Variants in GORAB observed in about 807,000 individuals in gnomAD.
GORAB encodes golgin, RAB6 interacting.
A neutral mutation model predicts 29.9 loss-of-function variants in GORAB; 17 were observed. The ratio of observed to expected loss-of-function variants is 0.57; its 90% CI spans 0.39 to 0.85. The LOEUF (loss-of-function observed/expected upper bound fraction) is 0.85, where lower values mean the gene tolerates loss of function less well. Among genes scored for constraint, GORAB ranks in the 40% least tolerant of loss-of-function variants. The pLI is 0.00. For synonymous variants in GORAB, 183 were observed against 157.2 expected, an observed-to-expected ratio of 1.16 and a Z score of -1.23; for missense variants, 442 against 437.8, an observed-to-expected ratio of 1.01 and a Z score of -0.09.
chr1:170,553,528 A>T lies in GORAB; in HGVS notation c.*1066A>T, dbSNP rs1469928190. The T allele has an allele frequency of 1.4e-5, 6 of 427,102 alleles. No individual in the cohort carries two copies. The highest frequency in any genetic ancestry group is 1.3e-4 in the African/African-American group (6 of 47,720). The allele number at this position is 427,102 out of a possible 1,614,324, so 26.5% of individuals were successfully genotyped here. On this transcript the variant is annotated 3_prime_UTR_variant, in exon 5 of 5. Transcript: ENST00000367763. Reference sequence around the variant, plus strand: ...TACCTTTGAGGACTTTTTTTTTTTAAAAAAAGAATTATTATCAGAGAACAT... The same window carrying T: ...TACCTTTGAGGACTTTTTTTTTTTATAAAAAGAATTATTATCAGAGAACAT...
At chr1:170,550,073 A>G (rs553165271) in intron 4 of GORAB, among the ~76,000 whole-genome samples, 1 of 152,326 alleles carries the variant, frequency 6.6e-6, no homozygotes, top group South Asian at 2.1e-4. Context: ...GCTCAGAGTC[A>G]CTGTGCCGGA....
intron 4 of GORAB, among the ~76,000 whole-genome samples, chr1:170,551,265 A>G (rs1212963038): frequency 2.0e-5 from 3 of 152,202 alleles, no homozygotes; most frequent in South Asian, 2.1e-4. Flanking sequence ...AGTGCAGGAC[A>G]GCTTCTCACA....
intron 4 of GORAB, 166 bp downstream of exon 4, chr1:170,545,011 GA>G: frequency 7.4e-7 from 1 of 1,359,116 alleles, no homozygotes; most frequent in Non-Finnish European, 9.5e-7. Context: ...CCTCTTCAGT[GA>G]AGTCTTCCTT....
At chr1:170,551,918 TCCCAA>T in intron 4 of GORAB, 92 bp from the exon 5 acceptor site, 1 of 1,025,106 alleles carries the variant, frequency 9.8e-7, no homozygotes, top group Non-Finnish European at 1.5e-6. Flanking sequence ...ATATATTTTT[TCCCAA>T]TTTTGGAGTT....
chr1:170,544,923 T>C, intron 4 of GORAB, 78 bp downstream of exon 4: 1 of 1,561,876 alleles, frequency 6.4e-7, no homozygotes, highest in Non-Finnish European at 8.7e-7. Flanking sequence ...GGGGCTTTTA[T>C]GTATATCATC....
At chr1:170,540,886 A>G (rs1649373002) in intron 2 of GORAB, among the ~76,000 whole-genome samples, 1 of 152,204 alleles carries the variant, frequency 6.6e-6, no homozygotes, top group African/African-American at 2.4e-5. Context: ...AGGATAAGCC[A>G]GAGAACAGTA....
intron 2 of GORAB, among the ~76,000 whole-genome samples, chr1:170,540,605 G>A (rs890390423): frequency 3.9e-5 from 6 of 152,184 alleles, no homozygotes; most frequent in Non-Finnish European, 8.8e-5. Context: ...TATTGAACAA[G>A]TGCATACATT....
At chr1:170,540,676 A>G (rs571883647) in intron 2 of GORAB, among the ~76,000 whole-genome samples, 2 of 152,354 alleles carry the variant, frequency 1.3e-5, no homozygotes, top group East Asian at 3.9e-4. Flanking sequence ...GTAAGTTTAC[A>G]TTGAGCTGGA....
rs751419356 is a variant in GORAB at position 170,553,634 on chromosome 1, G to T, written c.*1172G>T. ...TGTTTTTAAATGGGTTTGTTTGAGG[G>T]TATTATCTTCTGGTAATATAGATGA... On this transcript the variant is annotated 3_prime_UTR_variant, in exon 5 of 5. Coordinates refer to ENST00000367763, the MANE Select transcript of GORAB (RefSeq NM_152281.3). 8.8e-6 allele frequency: 4 copies of T among 452,282 alleles called. No homozygotes were observed. The highest frequency in any genetic ancestry group is 1.6e-5 in the South Asian group (1 of 63,640). 28.0% of individuals were successfully genotyped at this position (452,282 alleles called of 1,614,324 possible).
In GORAB at chr1:170,539,069, C is replaced by G. The variant is rs1488859777; in HGVS notation, c.62-141C>G. On this transcript the variant is annotated intron_variant, in intron 1 of 4. Coordinates refer to ENST00000367763, the MANE Select transcript of GORAB (RefSeq NM_152281.3). ...CTCTACAGGAAGATGGCTGTTTTTC[C>G]CCTAGACTTTCAAGATAGAGAATGG... The G allele has an allele frequency of 3.0e-6, 3 of 1,001,664 alleles. No homozygotes were observed. In the African/African-American group the frequency reaches 4.9e-5, roughly 16 times the overall value. 62.0% of individuals were successfully genotyped at this position (1,001,664 alleles called of 1,614,324 possible).
In GORAB at chr1:170,538,109, C is replaced by T. The variant is rs374318117; in HGVS notation, c.62-1101C>T. Among the ~76,000 whole-genome samples, 19 of 152,290 alleles carry T rather than the reference C, an allele frequency of 1.2e-4. 1 individual carries two copies. The East Asian group carries it at 2.5e-3, about 20-fold the overall frequency. ...CTGTACATATCTCATTTAATTCTTA[C>T]ACCAACTTCATGCATTAAGTAGAGC... On this transcript the variant is annotated intron_variant, in intron 1 of 4. Coordinates refer to ENST00000367763, the MANE Select transcript of GORAB (RefSeq NM_152281.3).
intron 4 of GORAB, among the ~76,000 whole-genome samples, chr1:170,547,998 C>G (rs1649866237): frequency 6.6e-6 from 1 of 152,236 alleles, no homozygotes; most frequent in Non-Finnish European, 1.5e-5. Context: ...ATCATCTAGA[C>G]TCTAGAATGT....
intron 2 of GORAB, among the ~76,000 whole-genome samples, chr1:170,541,018 A>G (rs554944283): frequency 1.3e-3 from 205 of 152,224 alleles, no homozygotes; most frequent in South Asian, 2.9e-3. Context: ...CTTGGCCAAC[A>G]TGGGGAAACC....
rs756905250 is a variant in GORAB, at chr1:170,532,280, T to C, written c.57T>C (p.Thr19=). Residue 19 remains threonine (T), a synonymous_variant, in exon 1 of 5, where the codon ACT becomes ACC. Transcript: ENST00000367763. Reference sequence around the variant, plus strand: ...AGGAACTGAGGAGACTAAAGCAGACTAAAGGTTACAAGATGGGTTTACAGT... The same window carrying C: ...AGGAACTGAGGAGACTAAAGCAGACCAAAGGTTACAAGATGGGTTTACAGT... ...SEEELRRLKQ[T]KDPFEPQRRL... 1 of 1,614,010 alleles carries C rather than the reference T, an allele frequency of 6.2e-7. No homozygotes were observed. Among genetic ancestry groups the C allele is most frequent in the Non-Finnish European group, 8.5e-7 (1 of 1,179,922 alleles).
chr1:170,552,542 A>G lies in GORAB; in HGVS notation c.*80A>G. 8.9e-7 allele frequency: 1 copy of G among 1,127,078 alleles called. No homozygotes were observed. Among genetic ancestry groups the G allele is most frequent in the East Asian group, 2.3e-5 (1 of 42,560 alleles). 69.8% of individuals were successfully genotyped at this position (1,127,078 alleles called of 1,614,324 possible). A position where few individuals can be genotyped will look rare whatever the true frequency, so the allele number is the denominator to read the frequency against. ...GTAGATCATGCCCTGACCTCCAATA[A>G]AAACCTCTTTAAAACAATGCTGATT... is the stretch of plus-strand genomic sequence containing the variant. On this transcript the variant is annotated 3_prime_UTR_variant, in exon 5 of 5. Transcript: ENST00000367763.
At chr1:170,544,127 A>C (rs553429423) in intron 3 of GORAB, among the ~76,000 whole-genome samples, 1 of 152,212 alleles carries the variant, frequency 6.6e-6, no homozygotes, top group Non-Finnish European at 1.5e-5. Context: ...TTAAATAAGG[A>C]AAATGAGTGT....
Position 170,552,082 on chromosome 1 carries a change from A to G in GORAB, c.730A>G (p.Ile244Val). 1 of 1,614,070 alleles carries G rather than the reference A, an allele frequency of 6.2e-7. No individual in the cohort carries two copies. The highest frequency in any genetic ancestry group is 8.5e-7 in the Non-Finnish European group (1 of 1,179,974). ...AKLDIQRKTE[I>V]KEQLTEHLCT... ...GCTAGATATACAGCGCAAGACTGAG[A>G]TAAAAGAGCAACTCACTGAACACCT... Residue 244 changes from isoleucine (I) to valine (V), a missense_variant, in exon 5 of 5, where the codon ATA (isoleucine) becomes GTA (valine). Ile to Val is a conservative substitution (Grantham distance 29). Coordinates refer to ENST00000367763, the MANE Select transcript of GORAB (RefSeq NM_152281.3).
intron 4 of GORAB, among the ~76,000 whole-genome samples, chr1:170,547,366 G>A (rs895957830): frequency 3.3e-5 from 5 of 152,086 alleles, no homozygotes; most frequent in Non-Finnish European, 7.4e-5. Flanking sequence ...CCTCTGAGAA[G>A]ACTAGCACTT....
rs1251845434 is a variant in GORAB, at chr1:170,553,213, A to G, written c.*751A>G. Reference sequence around the variant, plus strand: ...CATTTCTAAAGTGAGACTGAAAATAATATAGAAAATCTCATTGCTACTTGT... The same window carrying G: ...CATTTCTAAAGTGAGACTGAAAATAGTATAGAAAATCTCATTGCTACTTGT... On this transcript the variant is annotated 3_prime_UTR_variant, in exon 5 of 5. Coordinates refer to ENST00000367763, the MANE Select transcript of GORAB (RefSeq NM_152281.3). 2 of 434,500 alleles carry G rather than the reference A, an allele frequency of 4.6e-6. No individual in the cohort carries two copies. The highest frequency in any genetic ancestry group is 9.1e-6 in the Non-Finnish European group (2 of 220,018). 26.9% of individuals were successfully genotyped at this position (434,500 alleles called of 1,614,324 possible). A position where few individuals can be genotyped will look rare whatever the true frequency, so the allele number is the denominator to read the frequency against.
Sources: gnomAD v4.1 joint callset for allele counts (sites outside exome capture counted in the v4.1 genomes callset) on GRCh38, gnomAD v4.1.1 for gene constraint, MANE v1.5 for transcripts, NCBI Gene and HGNC (gene_info 2026-07-23, HGNC 2026-07-21) for gene names.